GANC: variants seen among roughly 807,000 people sequenced by gnomAD.
GANC encodes the protein glucosidase alpha, neutral C, also known as neutral alpha-glucosidase C.
Under a neutral mutation model 124.2 loss-of-function variants are expected in GANC, and 117 were observed. The ratio of observed to expected loss-of-function variants is 0.94; its 90% confidence interval spans 0.81 to 1.10. GANC has a LOEUF of 1.10. Ranked by LOEUF, GANC falls within the 50% of genes least tolerant of loss-of-function variation. GANC has a pLI of 0.00. For synonymous variants in GANC, 377 were observed against 376.8 expected (o/e 1.00, Z -0.01); for missense variants, 1,140 against 1,095.0 (o/e 1.04, Z -0.58).
intron 3 of GANC, chr15:42,284,325 A>T: frequency 3.5e-6 from 1 of 284,616 alleles, no homozygotes; most frequent in South Asian, 8.5e-5. Flanking sequence ...ATGCTTGAAG[A>T]CATAGACAAA....
intron 16 of GANC, 61 bp downstream of exon 16, chr15:42,338,551 A>T: frequency 8.4e-7 from 1 of 1,194,094 alleles, no homozygotes; most frequent in Non-Finnish European, 1.2e-6. Flanking sequence ...TGTTTTCATC[A>T]AAGCTGGTTA....
intron 10 of GANC, among the ~76,000 whole-genome samples, chr15:42,315,637 T>G (rs150759778): frequency 2.0e-5 from 3 of 152,340 alleles, no homozygotes; most frequent in African/African-American, 7.2e-5. Flanking sequence ...TAATTTTATG[T>G]GTCAATTTGA....
At chr15:42,311,799 C>T (rs887755483) in intron 10 of GANC, among the ~76,000 whole-genome samples, 3 of 151,566 alleles carry the variant, frequency 2.0e-5, no homozygotes, top group African/African-American at 7.3e-5. Context: ...GATTACAATT[C>T]GACGTGAGAT....
At chr15:42,319,913 G>C (rs994099724) in intron 10 of GANC, among the ~76,000 whole-genome samples, 13 of 152,118 alleles carry the variant, frequency 8.5e-5, no homozygotes, top group African/African-American at 3.1e-4. Context: ...GGCCAGATTT[G>C]GTGGCTCATG....
rs2052044065 is a variant in GANC at position 42,310,845 on chromosome 15, A to C, written c.1056A>C (p.Thr352=). Residue 352 remains threonine, a splice_region_variant and synonymous_variant, in exon 10 of 24, where the codon ACA becomes ACC. Transcript: ENST00000318010. ...TCTTCAAACAGTACTCACACCTTAC[A>C]GGTATTTGCACGAAGAAGTGCCAGT... The part of the protein sequence containing the change: ...SDVFKQYSHL[T]GTQAMPPLFS... The C allele has an allele frequency of 7.5e-6, 12 of 1,608,432 alleles. No homozygotes were observed. The highest frequency in any genetic ancestry group is 1.0e-5 in the Non-Finnish European group (12 of 1,175,172).
At chr15:42,338,517 G>A (rs201693531) in intron 16 of GANC, 27 bp downstream of exon 16, 4 of 1,483,810 alleles carry the variant, frequency 2.7e-6, no homozygotes, top group Admixed American at 3.4e-5. Flanking sequence ...GAGGCTTGAA[G>A]TGCAAGGAAA....
intron 15 of GANC, 90 bp from the exon 16 acceptor site, chr15:42,338,298 TA>T (rs1157493547): frequency 2.8e-6 from 2 of 717,516 alleles, no homozygotes; most frequent in African/African-American, 3.7e-5. Flanking sequence ...TCCTTTTCAT[TA>T]AGTTGTCTTT....
intron 11 of GANC, among the ~76,000 whole-genome samples, chr15:42,324,988 G>A (rs1249723523): frequency 6.6e-6 from 1 of 152,040 alleles, no homozygotes; most frequent in Non-Finnish European, 1.5e-5. Context: ...TTAAGGCTGG[G>A]TGCGGTGGCT....
Position 42,351,272 on chromosome 15 carries a change from G to C in GANC, c.2532-57G>C, listed in dbSNP as rs2052433002. The C allele has an allele frequency of 4.1e-6, 5 of 1,212,870 alleles. No homozygotes were observed. The Admixed American group carries it at 8.5e-5, about 21-fold the overall frequency. 75.1% of individuals were successfully genotyped at this position (1,212,870 alleles called of 1,614,324 possible). A position where few individuals can be genotyped will look rare whatever the true frequency, so the allele number is the denominator to read the frequency against. On this transcript the variant is annotated intron_variant, in intron 22 of 23. Coordinates refer to ENST00000318010, the MANE Select transcript of GANC (RefSeq NM_198141.3). The stretch of plus-strand genomic sequence containing the variant: ...CTCACAAGGCTGGAGATGTTGAGCT[G>C]GTGGCCACTTCAAACCCCCATCCCT...
chr15:42,316,393 G>A (rs1388531480), intron 10 of GANC, among the ~76,000 whole-genome samples: 3 of 152,162 alleles, frequency 2.0e-5, no homozygotes, highest in African/African-American at 7.2e-5. Flanking sequence ...GGGGGGCAGG[G>A]TAAGGAAGGT....
chr15:42,283,217 G>A (rs1432113732), intron 3 of GANC, among the ~76,000 whole-genome samples: 1 of 152,216 alleles, frequency 6.6e-6, no homozygotes, highest in Admixed American at 6.5e-5. Flanking sequence ...AAAGCTGGTT[G>A]CGTGTTCAGA....
chr15:42,292,257 TGTTTG>T (rs1200309559), intron 4 of GANC, among the ~76,000 whole-genome samples: 1 of 152,148 alleles, frequency 6.6e-6, no homozygotes, highest in African/African-American at 2.4e-5. Flanking sequence ...TCTGAGTATG[TGTTTG>T]GAATGAGAAA....
intron 11 of GANC, among the ~76,000 whole-genome samples, chr15:42,325,489 C>G (rs1009701205): frequency 2.6e-5 from 4 of 152,152 alleles, no homozygotes; most frequent in Non-Finnish European, 1.5e-5. Flanking sequence ...CAACTTTTCT[C>G]AAATCTCCTT....
intron 2 of GANC, among the ~76,000 whole-genome samples, chr15:42,277,787 A>G (rs1279644014): frequency 6.6e-6 from 1 of 151,678 alleles, no homozygotes; most frequent in Admixed American, 6.6e-5. Flanking sequence ...TTTTTAGTAG[A>G]GAGGGGGTTT....
rs186479174 is a variant in GANC, at chr15:42,301,455, G to T, written c.558+3799G>T. On this transcript the variant is annotated intron_variant, in intron 6 of 23. Coordinates refer to ENST00000318010, the MANE Select transcript of GANC (RefSeq NM_198141.3). ...GGCAGACACCGAGCTAGCTGCAGGG[G>T]TTTTTTTTTTTCATACCCCAGTGGC... 8.5e-3 allele frequency among the ~76,000 whole-genome samples: 1,260 copies of T among 147,858 alleles called. 16 individuals are homozygous for T. The highest frequency in any genetic ancestry group is 0.029 in the African/African-American group (1,154 of 40,490).
Position 42,342,938 on chromosome 15 carries a change from G to T in GANC, c.2153-140G>T. The T allele has an allele frequency of 6.1e-6, 4 of 655,660 alleles. No individual in the cohort carries two copies. The South Asian group carries it at 7.4e-5, about 12-fold the overall frequency. The allele number at this position is 655,660 out of a possible 1,614,324, so 40.6% of individuals were successfully genotyped here. On this transcript the variant is annotated intron_variant, in intron 18 of 23. Transcript: ENST00000318010. The stretch of plus-strand genomic sequence containing the variant: ...AGTGCATCTCTCTAACAAATCATTG[G>T]TTCAAGTCAGTCTCTGCCTCTCCAA...
At chr15:42,326,948 G>A (rs1291974137) in intron 12 of GANC, among the ~76,000 whole-genome samples, 2 of 152,224 alleles carry the variant, frequency 1.3e-5, no homozygotes, top group African/African-American at 2.4e-5. Flanking sequence ...GAAATAAAGA[G>A]TCAGCACTAT....
At position 42,345,794 on chromosome 15, in the gene GANC, G is replaced by A. The variant is rs1390252746; in HGVS notation, c.2266G>A (p.Gly756Arg). ...YDYKTFAHWE[G>R]GCTVKIPVAL... ...CTATAAGACATTTGCTCATTGGGAAGGAGGGTGTACTGTAAAGATCCCAGT... is the reference window on the plus strand; with the variant it reads ...CTATAAGACATTTGCTCATTGGGAAAGAGGGTGTACTGTAAAGATCCCAGT... The change falls in exon 20 of 24, where the codon GGA becomes AGA. Residue 756 changes from glycine to arginine, a missense_variant. Physicochemically the swap from Gly to Arg is moderately radical, Grantham distance 125. Transcript: ENST00000318010. The A allele has an allele frequency of 1.2e-6, 2 of 1,612,486 alleles. No individual in the cohort carries two copies. Among genetic ancestry groups the A allele is most frequent in the East Asian group, 4.5e-5 (2 of 44,862 alleles).
At chr15:42,330,932 T>G (rs2052239914) in intron 15 of GANC, among the ~76,000 whole-genome samples, 1 of 151,968 alleles carries the variant, frequency 6.6e-6, no homozygotes, top group African/African-American at 2.4e-5. Context: ...GGATTACGGG[T>G]GCACACCACC....
Sources: allele counts gnomAD v4.1 joint callset (sites outside exome capture counted in the v4.1 genomes callset), GRCh38; gene constraint gnomAD v4.1.1; transcripts MANE v1.5; gene names NCBI Gene and HGNC (gene_info 2026-07-23, HGNC 2026-07-21).